Variants in LPP observed in about 807,000 individuals in gnomAD.
LPP encodes lipoma-preferred partner.
Under a neutral mutation model 60.4 loss-of-function variants are expected in LPP, and 38 were observed. That is an observed-to-expected ratio of 0.63 (90% CI 0.49 to 0.83). LPP has a LOEUF of 0.83. Among genes scored for constraint, LPP ranks in the 40% least tolerant of loss-of-function variants. LPP has a pLI of 0.00. For missense variants in LPP, 902 were observed against 783.6 expected, an observed-to-expected ratio of 1.15 and a Z score of -1.80; for synonymous variants, 328 against 290.8, an observed-to-expected ratio of 1.13 and a Z score of -1.30.
intron 5 of LPP, among the ~76,000 whole-genome samples, chr3:188,523,903 C>G (rs1560516767): frequency 3.5e-5 from 1 of 28,918 alleles, no homozygotes; most frequent in Non-Finnish European, 8.3e-5. Context: ...ACTTTATAAT[C>G]CAGACAGATT....
At chr3:188,425,717 T>G (rs1450318314) in intron 4 of LPP, among the ~76,000 whole-genome samples, 2 of 152,228 alleles carry the variant, frequency 1.3e-5, no homozygotes, top group Non-Finnish European at 2.9e-5. Context: ...TTCTTCTAGA[T>G]TTTCTACTTT....
intron 1 of LPP, among the ~76,000 whole-genome samples, chr3:188,218,176 T>C (rs1333330404): frequency 6.6e-6 from 1 of 152,266 alleles, no homozygotes; most frequent in Non-Finnish European, 1.5e-5. Context: ...TCTTGAGGAC[T>C]GGACTGCGGT....
chr3:188,782,077 T>C (rs969057722), intron 9 of LPP, among the ~76,000 whole-genome samples: 1 of 152,162 alleles, frequency 6.6e-6, no homozygotes, highest in Admixed American at 6.5e-5. Context: ...TCTGATATGC[T>C]TGTACCAAAG....
intron 4 of LPP, among the ~76,000 whole-genome samples, chr3:188,420,073 CAT>C (rs60572763): frequency 0.023 from 3,505 of 151,904 alleles, 147 homozygotes; most frequent in African/African-American, 0.079. Flanking sequence ...GGGTTCTATC[CAT>C]AGTTTTTTTT....
chr3:188,229,565 A>G (rs911947860), intron 2 of LPP, among the ~76,000 whole-genome samples: 3 of 152,020 alleles, frequency 2.0e-5, no homozygotes, highest in Non-Finnish European at 4.4e-5. Flanking sequence ...CTTGTATGTT[A>G]TTTGCTTCAA....
intron 7 of LPP, among the ~76,000 whole-genome samples, chr3:188,660,644 CTG>C (rs1217077290): frequency 2.0e-5 from 3 of 149,964 alleles, no homozygotes; most frequent in South Asian, 2.1e-4. Flanking sequence ...TTCCAAAGAT[CTG>C]TGTGTGTGTG....
intron 7 of LPP, among the ~76,000 whole-genome samples, chr3:188,694,558 C>T (rs369311700): frequency 5.3e-5 from 8 of 152,040 alleles, no homozygotes; most frequent in African/African-American, 9.6e-5. Flanking sequence ...CAAAATTATC[C>T]GGGCATGGTG....
chr3:188,237,784 T>A (rs1004612637), intron 2 of LPP, among the ~76,000 whole-genome samples: 12 of 151,936 alleles, frequency 7.9e-5, no homozygotes, highest in African/African-American at 2.7e-4. Flanking sequence ...ACAGGCAGAG[T>A]AGATTCAGCA....
intron 6 of LPP, among the ~76,000 whole-genome samples, chr3:188,586,957 C>G (rs887705189): frequency 6.6e-6 from 1 of 152,024 alleles, no homozygotes; most frequent in Non-Finnish European, 1.5e-5. Context: ...TCTTGAACAC[C>G]TGACCTCGTG....
chr3:188,344,531 C>A lies in LPP; in HGVS notation c.-10+2812C>A, dbSNP rs542616859. 4.6e-5 allele frequency among the ~76,000 whole-genome samples: 7 copies of A among 152,258 alleles called. No homozygotes were observed. The East Asian group carries it at 1.4e-3, about 29-fold the overall frequency. The stretch of plus-strand genomic sequence containing the variant: ...TCATCATCTAATGACAAAGTTGGAC[C>A]AGTTGATCATGGCATTACTTCCGGT... On this transcript the variant is annotated intron_variant, in intron 3 of 11. Transcript: ENST00000617246.
chr3:188,558,424 T>A (rs1374436177), intron 6 of LPP, among the ~76,000 whole-genome samples: 1 of 152,110 alleles, frequency 6.6e-6, no homozygotes, highest in East Asian at 1.9e-4. Context: ...CCGTATGAGT[T>A]GCTGTACACG....
intron 6 of LPP, among the ~76,000 whole-genome samples, chr3:188,595,250 A>G (rs1320364225): frequency 1.3e-5 from 2 of 152,194 alleles, no homozygotes; most frequent in African/African-American, 4.8e-5. Context: ...TGTTGTCCTA[A>G]TTTAAAATTG....
rs10689970 is a variant in LPP at position 188,422,913 on chromosome 3, T to TTGTGTGTGTG, written c.193+16636_193+16645dup. 2.4e-3 allele frequency among the ~76,000 whole-genome samples: 322 copies of TTGTGTGTGTG among 133,866 alleles called. 1 individual carries two copies. The highest frequency in any genetic ancestry group is 2.7e-3 in the African/African-American group (94 of 34,920). 87.8% of individuals were successfully genotyped at this position (133,866 alleles called of 152,430 possible). A position where few individuals can be genotyped will look rare whatever the true frequency, so the allele number is the denominator to read the frequency against. On this transcript the variant is annotated intron_variant, in intron 4 of 11. Transcript: ENST00000617246. The stretch of plus-strand genomic sequence containing the variant: ...CATATTTTTCTTTTTGGTGTCTTCT[T>TTGTGTGTGTG]TGTGTGTGTGTGTGTGTGTGTGTGT...
intron 6 of LPP, among the ~76,000 whole-genome samples, chr3:188,545,425 C>T (rs1417664270): frequency 6.6e-6 from 1 of 151,894 alleles, no homozygotes; most frequent in Non-Finnish European, 1.5e-5. Flanking sequence ...ATTTTATCTC[C>T]ATCTGTATCT....
intron 5 of LPP, among the ~76,000 whole-genome samples, chr3:188,489,712 G>A (rs768961577): frequency 3.3e-5 from 5 of 152,228 alleles, no homozygotes; most frequent in Admixed American, 6.5e-5. Context: ...ATTCTGAGTT[G>A]TCTGGTAGAC....
At chr3:188,632,492 T>G (rs559845308) in intron 7 of LPP, among the ~76,000 whole-genome samples, 4 of 152,240 alleles carry the variant, frequency 2.6e-5, no homozygotes, top group African/African-American at 9.6e-5. Flanking sequence ...ACAGTTAAAG[T>G]TTTTTGGTTA....
rs1769979019 is a variant in LPP at position 188,881,245 on chromosome 3, T to G, written c.*6766T>G. ...CCCATATCTTCTTAGTCCTGGCCAG[T>G]ATGTAGTTGCGCTCACATACGTCTA... On this transcript the variant is annotated 3_prime_UTR_variant, in exon 12 of 12. Coordinates refer to ENST00000617246, the MANE Select transcript of LPP (RefSeq NM_001375462.1). 5.4e-6 allele frequency: 1 copy of G among 184,746 alleles called. No individual in the cohort carries two copies. Among genetic ancestry groups the G allele is most frequent in the African/African-American group, 2.3e-5 (1 of 42,684 alleles). 11.4% of individuals were successfully genotyped at this position (184,746 alleles called of 1,614,324 possible).
At chr3:188,810,760 A>G (rs1450938356) in intron 9 of LPP, among the ~76,000 whole-genome samples, 1 of 152,174 alleles carries the variant, frequency 6.6e-6, no homozygotes, top group African/African-American at 2.4e-5. Flanking sequence ...ATTCAAAACC[A>G]GTTTTAGATT....
chr3:188,669,444 C>G (rs537834596), intron 7 of LPP, among the ~76,000 whole-genome samples: 1 of 151,922 alleles, frequency 6.6e-6, no homozygotes, highest in Non-Finnish European at 1.5e-5. Context: ...GGCGTGGTGG[C>G]GGGCACCTGT....
Sources: allele counts gnomAD v4.1 joint callset (sites outside exome capture counted in the v4.1 genomes callset), GRCh38; gene constraint gnomAD v4.1.1; transcripts MANE v1.5; gene names NCBI Gene and HGNC (gene_info 2026-07-23, HGNC 2026-07-21).